TEK: variants seen among roughly 807,000 people sequenced by gnomAD.
TEK encodes TEK receptor tyrosine kinase.
In TEK, 43 loss-of-function variants were observed where a neutral mutation model predicts 131.8. That is an observed-to-expected ratio of 0.33 (90% confidence interval 0.26 to 0.42). The LOEUF (loss-of-function observed/expected upper bound fraction) is 0.42, where lower values mean the gene tolerates loss of function less well. TEK is among the 10% of genes least tolerant of loss of function. TEK has a pLI of 1.00. For synonymous variants in TEK, 580 were observed against 491.6 expected (o/e 1.18, Z -2.38); for missense variants, 1,162 against 1,384.4 (o/e 0.84, Z 2.55).
At chr9:27,130,892 C>G (rs1822188654) in intron 1 of TEK, among the ~76,000 whole-genome samples, 1 of 151,556 alleles carries the variant, frequency 6.6e-6, no homozygotes, top group Admixed American at 6.6e-5. Flanking sequence ...CAAAACAAAA[C>G]AAAACCTCAT....
chr9:27,168,425 T>A (rs1261896518), intron 2 of TEK, 70 bp from the exon 3 acceptor site: 5 of 1,257,630 alleles, frequency 4.0e-6, no homozygotes, highest in Non-Finnish European at 5.8e-6. Context: ...TTTCTGAGTC[T>A]CAAAGCTCAA....
Position 27,173,474 on chromosome 9 carries a change from T to A in TEK, c.901+112T>A. ...ATACCTGGACTGCTTAGCTACCCAC[T>A]ACTGGACAACAGGATTTTGAATCAT... is the stretch of plus-strand genomic sequence containing the variant. On this transcript the variant is annotated intron_variant, in intron 6 of 22. Coordinates refer to ENST00000380036, the MANE Select transcript of TEK (RefSeq NM_000459.5). 4 of 1,313,132 alleles carry A rather than the reference T, an allele frequency of 3.0e-6. No individual in the cohort carries two copies. The South Asian group carries it at 4.8e-5, about 16-fold the overall frequency. The allele number at this position is 1,313,132 out of a possible 1,614,324, so 81.3% of individuals were successfully genotyped here.
chr9:27,109,791 G>GT (rs1232916426), intron 1 of TEK, 149 bp downstream of exon 1: 9 of 786,092 alleles, frequency 1.1e-5, no homozygotes, highest in Middle Eastern at 3.6e-4. Context: ...CAGTCAATAT[G>GT]TGTGGAAGGA....
At chr9:27,186,795 A>G (rs960537195) in intron 9 of TEK, among the ~76,000 whole-genome samples, 5 of 152,158 alleles carry the variant, frequency 3.3e-5, no homozygotes, top group Non-Finnish European at 5.9e-5. Flanking sequence ...GGTAACTTCT[A>G]TAAATGAAAT....
chr9:27,199,992 T>C (rs765676915), intron 12 of TEK, among the ~76,000 whole-genome samples: 2 of 152,232 alleles, frequency 1.3e-5, no homozygotes, highest in Non-Finnish European at 2.9e-5. Flanking sequence ...TTGTTTTGTG[T>C]ATTTAGGTCT....
intron 1 of TEK, among the ~76,000 whole-genome samples, chr9:27,128,076 C>G (rs966838516): frequency 3.3e-5 from 5 of 152,088 alleles, no homozygotes. Flanking sequence ...AATGGTATTG[C>G]CTAGGTTTTC....
intron 21 of TEK, among the ~76,000 whole-genome samples, 154 bp from the exon 22 acceptor site, chr9:27,228,052 G>A (rs1410725365): frequency 6.6e-6 from 1 of 152,156 alleles, no homozygotes; most frequent in Non-Finnish European, 1.5e-5. Context: ...GGCTTAGGGA[G>A]GTGGGAGTCC....
At chr9:27,148,517 C>T (rs1284502734) in intron 1 of TEK, among the ~76,000 whole-genome samples, 1 of 152,308 alleles carries the variant, frequency 6.6e-6, no homozygotes, top group African/African-American at 2.4e-5. Flanking sequence ...TCATGATGGC[C>T]TCAGGGTTCC....
chr9:27,155,466 T>G (rs1823297486), intron 1 of TEK, among the ~76,000 whole-genome samples: 1 of 152,218 alleles, frequency 6.6e-6, no homozygotes, highest in Non-Finnish European at 1.5e-5. Flanking sequence ...AACTCCTGCT[T>G]ACACGAAGAC....
chr9:27,117,626 AG>A (rs1821621871), intron 1 of TEK, among the ~76,000 whole-genome samples: 2 of 152,156 alleles, frequency 1.3e-5, no homozygotes, highest in African/African-American at 4.8e-5. Flanking sequence ...TGCATATTAG[AG>A]GAAGTACATA....
intron 16 of TEK, among the ~76,000 whole-genome samples, chr9:27,211,173 A>G (rs10967771): frequency 1.6e-4 from 17 of 107,434 alleles, no homozygotes; most frequent in Admixed American, 1.3e-3. Flanking sequence ...ATGTATGTGT[A>G]TATATATATA....
Position 27,229,191 on chromosome 9 carries a change from A to G in TEK, c.3334A>G (p.Thr1112Ala), listed in dbSNP as rs753878707. The G allele has an allele frequency of 1.9e-5, 30 of 1,613,882 alleles. No homozygotes were observed. The highest frequency in any genetic ancestry group is 2.5e-5 in the Non-Finnish European group (29 of 1,179,780). ...YVNTTLYEKF[T>A]YAGIDCSAEE... The stretch of plus-strand genomic sequence containing the variant: ...GAATACCACGCTTTATGAGAAGTTT[A>G]CTTATGCAGGAATTGACTGTTCTGC... The change falls in exon 23 of 23, where the codon ACT (threonine) becomes GCT (alanine). Residue 1112 changes from threonine to alanine, a missense_variant. Transcript: ENST00000380036.
rs1251094590 is a variant in TEK, at chr9:27,202,950, T to C, written c.2040T>C (p.Asn680=). 6.2e-7 allele frequency: 1 copy of C among 1,614,158 alleles called. No homozygotes were observed. Among genetic ancestry groups the C allele is most frequent in the South Asian group, 1.1e-5 (1 of 91,086 alleles). ...ITIRYKVQGK[N]EDQHVDVKIK... Reference sequence around the variant, plus strand: ...TCCGTTACAAGGTTCAAGGCAAGAATGAAGACCAGCACGTTGATGTGAAGA... The same window carrying C: ...TCCGTTACAAGGTTCAAGGCAAGAACGAAGACCAGCACGTTGATGTGAAGA... The change falls in exon 13 of 23, where the codon AAT becomes AAC. Residue 680 remains asparagine (N), a synonymous_variant. Transcript: ENST00000380036.
chr9:27,177,542 G>A (rs1824215598), intron 6 of TEK, among the ~76,000 whole-genome samples: 1 of 152,140 alleles, frequency 6.6e-6, no homozygotes, highest in South Asian at 2.1e-4. Flanking sequence ...CCTGAGGTTG[G>A]GAGTTCGAGA....
Position 27,213,521 on chromosome 9 carries a change from T to C in TEK, c.2915T>C (p.Val972Ala), listed in dbSNP as rs776014609. ...GATCTGGCTGCCAGAAACATTTTAG[T>C]TGGTGAAAACTATGTGGCAAAAATA... is the stretch of plus-strand genomic sequence containing the variant. ...HRDLAARNIL[V>A]GENYVAKIAD... Residue 972 changes from valine (V) to alanine (A), a missense_variant, in exon 18 of 23, where the codon GTT becomes GCT. Physicochemically the swap from Val to Ala is moderately conservative, Grantham distance 64. Around this residue, in one of 6 missense-constraint regions of TEK, gnomAD observed 107 missense variants for 173.9 expected, o/e 0.62. Coordinates refer to ENST00000380036, the MANE Select transcript of TEK (RefSeq NM_000459.5). 2 of 1,614,074 alleles carry C rather than the reference T, an allele frequency of 1.2e-6. No homozygotes were observed. Among genetic ancestry groups the C allele is most frequent in the Non-Finnish European group, 1.7e-6 (2 of 1,179,932 alleles).
rs990660557 is a variant in TEK, at chr9:27,114,222, C to T, written c.52+4580C>T. 3.3e-5 allele frequency among the ~76,000 whole-genome samples: 5 copies of T among 152,234 alleles called. No individual in the cohort carries two copies. In the East Asian group the frequency reaches 5.8e-4, roughly 18 times the overall value. ...GTAAGAAAATGTTGGTACTTCACAG[C>T]GGAGCTGAAAGGAAAAGAGAACATT... On this transcript the variant is annotated intron_variant, in intron 1 of 22. Coordinates refer to ENST00000380036, the MANE Select transcript of TEK (RefSeq NM_000459.5).
rs569542664 is a variant in TEK, at chr9:27,186,894, C to T, written c.1327+1265C>T. Among the ~76,000 whole-genome samples, 21 of 152,254 alleles carry T rather than the reference C, an allele frequency of 1.4e-4. 1 individual carries two copies. Among genetic ancestry groups the T allele is most frequent in the African/African-American group, 4.3e-4 (18 of 41,540 alleles). ...ACCCCATAGATTTGGATTCTGTGCC[C>T]TGAGAATCCATATGAACCACCTCAG... On this transcript the variant is annotated intron_variant, in intron 9 of 22. Transcript: ENST00000380036.
chr9:27,206,979 C>T (rs1436706873), intron 15 of TEK, among the ~76,000 whole-genome samples, 187 bp downstream of exon 15: 1 of 152,200 alleles, frequency 6.6e-6, no homozygotes, highest in African/African-American at 2.4e-5. Flanking sequence ...AATACAAAGG[C>T]AGGAGCCATT....
At chr9:27,219,249 A>ATTC (rs1389186258) in intron 20 of TEK, among the ~76,000 whole-genome samples, 1 of 152,204 alleles carries the variant, frequency 6.6e-6, no homozygotes, top group Non-Finnish European at 1.5e-5. Flanking sequence ...AATAACATTT[A>ATTC]TTCTTCATGC....
Sources: gnomAD v4.1 joint callset for allele counts (sites outside exome capture counted in the v4.1 genomes callset) on GRCh38, gnomAD v4.1.1 for gene constraint, gnomAD v4.1.1 regional missense constraint, MANE v1.5 for transcripts, NCBI Gene and HGNC (gene_info 2026-07-23, HGNC 2026-07-21) for gene names.